The following WIPF1 variants were observed in gnomAD, a reference collection of about 807,000 sequenced individuals.
The protein encoded by WIPF1 is WAS/WASL-interacting protein family member 1.
A neutral mutation model predicts 35.4 loss-of-function variants in WIPF1; 13 were observed. The ratio of observed to expected loss-of-function variants is 0.37; its 90% CI spans 0.24 to 0.58. The LOEUF (loss-of-function observed/expected upper bound fraction) is 0.58. Among genes scored for constraint, WIPF1 ranks in the 20% least tolerant of loss-of-function variants. The pLI, the probability that WIPF1 is intolerant of heterozygous loss-of-function variation, is 0.74. For missense variants in WIPF1, 591 were observed against 667.0 expected (o/e 0.89, Z 1.25); for synonymous variants, 267 against 266.3 (o/e 1.00, Z -0.02).
At chr2:174,650,504 A>C (rs60600335) in intron 1 of WIPF1, among the ~76,000 whole-genome samples, 2,609 of 151,910 alleles carry the variant, frequency 0.017, 90 homozygotes, top group African/African-American at 0.061. Flanking sequence ...CACCTTTGTT[A>C]CTCCTCCTAT....
Position 174,572,286 on chromosome 2 carries a change from C to T in WIPF1, c.519G>A (p.Arg173=), listed in dbSNP as rs757656746. ...TATCAGGCTTTGAGCCCACGTCGGG[C>T]CTTGGGGGCGGCATTCGGTTCCTCT... The part of the protein sequence containing the change: ...EPQRNRMPPP[R]PDVGSKPDSI... The change falls in exon 5 of 8, where the codon AGG becomes AGA. Residue 173 remains arginine (R), a synonymous_variant. Transcript: ENST00000679041. 4.3e-6 allele frequency: 7 copies of T among 1,613,922 alleles called. No individual in the cohort carries two copies. The highest frequency in any genetic ancestry group is 3.3e-5 in the Admixed American group (2 of 59,992).
intron 1 of WIPF1, among the ~76,000 whole-genome samples, chr2:174,653,389 G>A (rs2105964429): frequency 6.6e-6 from 1 of 152,136 alleles, no homozygotes; most frequent in East Asian, 1.9e-4. Context: ...GAATATATGG[G>A]GATAGTACCT....
intron 1 of WIPF1, among the ~76,000 whole-genome samples, chr2:174,627,864 T>C (rs1481200976): frequency 6.6e-6 from 1 of 152,204 alleles, no homozygotes; most frequent in Non-Finnish European, 1.5e-5. Context: ...TTGTGATTTC[T>C]AATAGCAGGA....
chr2:174,566,880 G>A (rs1684677230), intron 7 of WIPF1, 190 bp downstream of exon 7: 2 of 545,962 alleles, frequency 3.7e-6, no homozygotes, highest in Non-Finnish European at 6.6e-6. Flanking sequence ...TAAAATAACT[G>A]TTTCTCATAT....
At chr2:174,584,748 C>G (rs190856224) in intron 2 of WIPF1, among the ~76,000 whole-genome samples, 1 of 152,036 alleles carries the variant, frequency 6.6e-6, no homozygotes, top group Non-Finnish European at 1.5e-5. Flanking sequence ...CCCGTCCATA[C>G]TAAAAATACA....
At chr2:174,660,212 G>A (rs1324574848) in intron 1 of WIPF1, among the ~76,000 whole-genome samples, 2 of 152,142 alleles carry the variant, frequency 1.3e-5, no homozygotes. Context: ...AACCACAGTG[G>A]GTGGAATTCT....
chr2:174,653,327 C>A (rs1687571788), intron 1 of WIPF1, among the ~76,000 whole-genome samples: 1 of 152,224 alleles, frequency 6.6e-6, no homozygotes, highest in East Asian at 1.9e-4. Context: ...TTGGGTGTAA[C>A]CCACCCAGCT....
At chr2:174,586,476 G>C (rs753972427) in intron 1 of WIPF1, among the ~76,000 whole-genome samples, 1 of 152,148 alleles carries the variant, frequency 6.6e-6, no homozygotes, top group African/African-American at 2.4e-5. Context: ...TTCCGTAGCT[G>C]GGTAGGAAAG....
chr2:174,647,041 T>C (rs1458254316), intron 1 of WIPF1, among the ~76,000 whole-genome samples: 2 of 152,154 alleles, frequency 1.3e-5, no homozygotes, highest in Non-Finnish European at 2.9e-5. Context: ...GGAAATCCAT[T>C]AAGGGTACTT....
chr2:174,589,500 C>T (rs527946718), intron 1 of WIPF1, among the ~76,000 whole-genome samples: 1 of 152,312 alleles, frequency 6.6e-6, no homozygotes, highest in East Asian at 1.9e-4. Flanking sequence ...TGACAGCCCA[C>T]ATCAGAGCCA....
upstream of WIPF1, among the ~76,000 whole-genome samples, chr2:174,600,678 C>G (rs149444977): frequency 1.3e-5 from 2 of 152,114 alleles, no homozygotes; most frequent in Non-Finnish European, 2.9e-5. Flanking sequence ...CATGCGTCAC[C>G]GCTTGACACT....
At chr2:174,619,107 C>G (rs769447731) in intron 1 of WIPF1, among the ~76,000 whole-genome samples, 50 of 152,152 alleles carry the variant, frequency 3.3e-4, no homozygotes, top group Non-Finnish European at 4.9e-4. Flanking sequence ...ACGCATGCCA[C>G]CATGCCCAGC....
At chr2:174,643,331 G>A (rs1335783797) in intron 1 of WIPF1, among the ~76,000 whole-genome samples, 1 of 149,316 alleles carries the variant, frequency 6.7e-6, no homozygotes, top group Non-Finnish European at 1.5e-5. Flanking sequence ...ATGAAATATT[G>A]AAAGCATTTT....
chr2:174,648,090 C>T (rs1687455226), intron 1 of WIPF1, among the ~76,000 whole-genome samples: 6 of 152,148 alleles, frequency 3.9e-5, no homozygotes, highest in Admixed American at 3.9e-4. Flanking sequence ...TTTGAAATGG[C>T]CGCAGACAGG....
In WIPF1 at chr2:174,572,321, G is replaced by A. The variant is rs781036090; in HGVS notation, c.484C>T (p.Pro162Ser). The change falls in exon 5 of 8, where the codon CCA becomes TCA. Residue 162 changes from proline to serine, a missense_variant. Pro to Ser is a moderately conservative substitution (Grantham distance 74). Around this residue, in one of 3 missense-constraint regions of WIPF1, gnomAD observed 471 missense variants for 501.1 expected, o/e 0.94. Coordinates refer to ENST00000679041, the MANE Select transcript of WIPF1 (RefSeq NM_001375834.1). ...GGCATTCGGTTCCTCTGAGGCTCTG[G>A]GGGACCACTTCTGTGGCCTGGAGAA... ...VPSPGHRSGP[P>S]EPQRNRMPPP... 21 of 1,613,980 alleles carry A rather than the reference G, an allele frequency of 1.3e-5. No homozygotes were observed. Among genetic ancestry groups the A allele is most frequent in the Non-Finnish European group, 5.9e-6 (7 of 1,180,008 alleles).
chr2:174,589,978 G>T (rs1328906196), intron 1 of WIPF1, among the ~76,000 whole-genome samples: 1 of 152,178 alleles, frequency 6.6e-6, no homozygotes, highest in Admixed American at 6.5e-5. Flanking sequence ...CCAACACTTT[G>T]GGTGGTCAAG....
At chr2:174,620,614 C>A (rs1202644909) in intron 1 of WIPF1, among the ~76,000 whole-genome samples, 1 of 152,156 alleles carries the variant, frequency 6.6e-6, no homozygotes, top group Non-Finnish European at 1.5e-5. Flanking sequence ...TCTCATCCAG[C>A]CAACATTTAC....
upstream of WIPF1, among the ~76,000 whole-genome samples, chr2:174,598,791 G>C (rs556634118): frequency 1.3e-5 from 2 of 152,222 alleles, no homozygotes; most frequent in Non-Finnish European, 2.9e-5. Flanking sequence ...GATAAAGAGG[G>C]TGGAAGGAAG....
At chr2:174,650,695 G>C (rs1687517771) in intron 1 of WIPF1, among the ~76,000 whole-genome samples, 1 of 152,198 alleles carries the variant, frequency 6.6e-6, no homozygotes, top group Non-Finnish European at 1.5e-5. Context: ...AAATAAGATA[G>C]AAAGTCTTTG....
Sources: gnomAD v4.1 joint callset for allele counts (sites outside exome capture counted in the v4.1 genomes callset) on GRCh38, gnomAD v4.1.1 for gene constraint, gnomAD v4.1.1 regional missense constraint, MANE v1.5 for transcripts, NCBI Gene and HGNC (gene_info 2026-07-23, HGNC 2026-07-21) for gene names.